DRD3: variants seen among roughly 807,000 people sequenced by gnomAD.
The protein encoded by DRD3 is dopamine receptor D3.
A neutral mutation model predicts 36.3 loss-of-function variants in DRD3; 19 were observed. The observed-to-expected ratio is 0.52, with a 90% CI of 0.36 to 0.77. The LOEUF (loss-of-function observed/expected upper bound fraction) is 0.77, where lower values mean the gene tolerates loss of function less well. DRD3 is among the 30% of genes least tolerant of loss of function. The pLI is 0.00. For missense variants in DRD3, 465 were observed against 505.3 expected (o/e 0.92, Z 0.77); for synonymous variants, 195 against 203.7 (o/e 0.96, Z 0.36).
intron 4 of DRD3, among the ~76,000 whole-genome samples, chr3:114,143,184 T>C (rs559325005): frequency 6.6e-6 from 1 of 152,336 alleles, no homozygotes; most frequent in East Asian, 1.9e-4. Flanking sequence ...AGCAAGTGCA[T>C]AAATAATAAA....
At chr3:114,187,599 A>C (rs527431123) in intron 1 of DRD3, among the ~76,000 whole-genome samples, 18 of 152,326 alleles carry the variant, frequency 1.2e-4, no homozygotes, top group African/African-American at 4.3e-4. Flanking sequence ...CCCAGAGTAA[A>C]GCAAAATGAC....
chr3:114,174,197 G>A (rs1449649767), intron 1 of DRD3, among the ~76,000 whole-genome samples: 1 of 152,202 alleles, frequency 6.6e-6, no homozygotes, highest in East Asian at 1.9e-4. Flanking sequence ...GCTGCCAAGA[G>A]CTTTTGGAAA....
chr3:114,151,716 G>A (rs1230870288), intron 3 of DRD3, among the ~76,000 whole-genome samples: 1 of 152,086 alleles, frequency 6.6e-6, no homozygotes, highest in Non-Finnish European at 1.5e-5. Context: ...AAGCAGAGAT[G>A]CAAGGATGTC....
intron 1 of DRD3, among the ~76,000 whole-genome samples, chr3:114,189,893 GC>G: frequency 6.6e-6 from 1 of 152,252 alleles, no homozygotes; most frequent in African/African-American, 2.4e-5. Flanking sequence ...TTGAAAGGCA[GC>G]CTTATTTGTT....
rs183430408 is a variant in DRD3 at position 114,128,568 on chromosome 3, C to T, written c.*148G>A. 3.5e-4 allele frequency: 247 copies of T among 700,300 alleles called. No homozygotes were observed. In the African/African-American group the frequency reaches 4.2e-3, roughly 12 times the overall value. 43.4% of individuals were successfully genotyped at this position (700,300 alleles called of 1,614,324 possible). A position where few individuals can be genotyped will look rare whatever the true frequency, so the allele number is the denominator to read the frequency against. ...GTAGAATATTCTGTTTTGGAGGACA[C>T]ATCTGGTTATACCTGACAAGCAGGG... On this transcript the variant is annotated 3_prime_UTR_variant, in exon 7 of 7. Transcript: ENST00000383673.
intron 5 of DRD3, among the ~76,000 whole-genome samples, chr3:114,137,459 T>C (rs1172198402): frequency 1.3e-5 from 2 of 152,256 alleles, no homozygotes; most frequent in African/African-American, 4.8e-5. Context: ...TGGGGATTAA[T>C]AGTCTTGTTT....
chr3:114,157,149 G>A (rs1039498109), intron 3 of DRD3, among the ~76,000 whole-genome samples: 8 of 151,618 alleles, frequency 5.3e-5, no homozygotes. Flanking sequence ...CACCTCCCGG[G>A]TTCAAGCGGT....
At chr3:114,150,312 C>A (rs981393458) in intron 3 of DRD3, among the ~76,000 whole-genome samples, 6 of 152,228 alleles carry the variant, frequency 3.9e-5, no homozygotes, top group Non-Finnish European at 8.8e-5. Context: ...TTTCCAGCCA[C>A]CTTCCCACTT....
intron 1 of DRD3, among the ~76,000 whole-genome samples, chr3:114,172,339 G>A (rs373361422): frequency 1.3e-4 from 20 of 152,332 alleles, no homozygotes; most frequent in Admixed American, 1.0e-3. Context: ...AAGATTGTGC[G>A]TATGTGAGTG....
In DRD3 at chr3:114,177,767, G is replaced by A. The variant is rs115762461; in HGVS notation, c.-36+890C>T. On this transcript the variant is annotated intron_variant, in intron 1 of 6. Coordinates refer to ENST00000383673, the MANE Select transcript of DRD3 (RefSeq NM_000796.6). ...ATTCAACTACAAATAAATGAGTGCCGAGTAAGAATCTTTCTCACATTGTCT... is the reference window on the plus strand; with the variant it reads ...ATTCAACTACAAATAAATGAGTGCCAAGTAAGAATCTTTCTCACATTGTCT... Among the ~76,000 whole-genome samples the A allele has an allele frequency of 4.1e-3, 623 of 152,242 alleles. 1 individual carries two copies. Among genetic ancestry groups the A allele is most frequent in the Middle Eastern group, 0.014 (4 of 294 alleles).
At chr3:114,151,648 C>T (rs2077618987) in intron 3 of DRD3, among the ~76,000 whole-genome samples, 1 of 152,138 alleles carries the variant, frequency 6.6e-6, no homozygotes. Context: ...CCTGGAGGCT[C>T]CATTAATGAA....
At chr3:114,195,361 G>A (rs886184615) in intron 1 of DRD3, among the ~76,000 whole-genome samples, 5 of 152,290 alleles carry the variant, frequency 3.3e-5, no homozygotes, top group Non-Finnish European at 7.4e-5. Context: ...ATGTCTGGCT[G>A]ATATTGTACT....
intron 3 of DRD3, among the ~76,000 whole-genome samples, chr3:114,149,821 A>G (rs528930675): frequency 1.3e-5 from 2 of 152,280 alleles, no homozygotes; most frequent in Admixed American, 1.3e-4. Flanking sequence ...GAAAGTAGAG[A>G]CCTCAGTCCT....
chr3:114,166,955 G>A (rs2077791177), intron 2 of DRD3, among the ~76,000 whole-genome samples: 1 of 152,102 alleles, frequency 6.6e-6, no homozygotes, highest in Admixed American at 6.5e-5. Context: ...TTCCAGTAGG[G>A]AGGTCTTAAA....
chr3:114,173,384 G>A (rs2077865547), intron 1 of DRD3, among the ~76,000 whole-genome samples: 2 of 152,172 alleles, frequency 1.3e-5, no homozygotes, highest in Admixed American at 1.3e-4. Flanking sequence ...CAGTGCCAAG[G>A]AGAAGGTCCA....
At chr3:114,132,568 TAAAA>T (rs11299557) in intron 5 of DRD3, among the ~76,000 whole-genome samples, 1 of 137,594 alleles carries the variant, frequency 7.3e-6, no homozygotes. Context: ...GAACTTAAAG[TAAAA>T]AAAAAAAAAA....
chr3:114,136,200 T>A (rs932363119), intron 5 of DRD3, among the ~76,000 whole-genome samples: 2 of 151,198 alleles, frequency 1.3e-5, no homozygotes, highest in East Asian at 3.9e-4. Context: ...GGGAACAGAG[T>A]GAGACTCTGT....
intron 2 of DRD3, among the ~76,000 whole-genome samples, chr3:114,160,237 A>AT (rs944345240): frequency 2.0e-5 from 3 of 151,766 alleles, no homozygotes; most frequent in Admixed American, 6.6e-5. Flanking sequence ...CTTCTTTTTT[A>AT]TTTTTTTTAA....
At chr3:114,169,091 C>G (rs1046667075) in intron 2 of DRD3, among the ~76,000 whole-genome samples, 6 of 151,884 alleles carry the variant, frequency 4.0e-5, no homozygotes, top group Non-Finnish European at 7.4e-5. Flanking sequence ...GCTACTCAAA[C>G]TGTACTATCA....
Sources: gnomAD v4.1 joint callset for allele counts (sites outside exome capture counted in the v4.1 genomes callset) on GRCh38, gnomAD v4.1.1 for gene constraint, MANE v1.5 for transcripts, NCBI Gene and HGNC (gene_info 2026-07-23, HGNC 2026-07-21) for gene names.